FBXL17: variants seen among roughly 807,000 people sequenced by gnomAD.
The protein encoded by FBXL17 is F-box/LRR-repeat protein 17.
FBXL17 carries 22 observed loss-of-function variants against 66.2 expected under a neutral mutation model. The ratio of observed to expected loss-of-function variants is 0.33; its 90% CI spans 0.24 to 0.47. The LOEUF is 0.47. Among genes scored for constraint, FBXL17 ranks in the 20% least tolerant of loss-of-function variants. The pLI is 1.00. For synonymous variants in FBXL17, 474 were observed against 400.5 expected (o/e 1.18, Z -2.19); for missense variants, 878 against 948.2 (o/e 0.93, Z 0.97).
intron 6 of FBXL17, among the ~76,000 whole-genome samples, chr5:108,109,612 G>C (rs1307493004): frequency 6.6e-6 from 1 of 151,714 alleles, no homozygotes; most frequent in African/African-American, 2.4e-5. Context: ...TTTTTTTCTT[G>C]ATTATCTGTC....
intron 8 of FBXL17, among the ~76,000 whole-genome samples, chr5:107,875,292 T>C (rs1268290386): frequency 2.0e-5 from 3 of 152,170 alleles, no homozygotes; most frequent in Non-Finnish European, 4.4e-5. Context: ...CCTCAAATTA[T>C]TTTTCTCTGA....
chr5:107,976,165 T>G (rs1357128325), intron 7 of FBXL17, among the ~76,000 whole-genome samples: 2 of 152,184 alleles, frequency 1.3e-5, no homozygotes, highest in African/African-American at 4.8e-5. Flanking sequence ...CCTAAAAGTC[T>G]GTCTTATGTC....
chr5:108,092,495 T>C (rs1022683924), intron 6 of FBXL17, among the ~76,000 whole-genome samples: 5 of 152,086 alleles, frequency 3.3e-5, no homozygotes, highest in African/African-American at 1.2e-4. Flanking sequence ...TTTGTAGTTT[T>C]AGTAGATATG....
chr5:108,102,208 C>T (rs1275661830), intron 6 of FBXL17, among the ~76,000 whole-genome samples: 2 of 152,142 alleles, frequency 1.3e-5, no homozygotes, highest in Non-Finnish European at 2.9e-5. Context: ...ACAGGAGAGC[C>T]TGGTCCCAAA....
intron 7 of FBXL17, among the ~76,000 whole-genome samples, chr5:107,932,950 T>A (rs190854721): frequency 1.2e-3 from 182 of 152,110 alleles, no homozygotes; most frequent in Admixed American, 4.3e-3. Flanking sequence ...ATGGTTATTA[T>A]GAAAGAGGAA....
chr5:107,863,488 T>C (rs373354623), intron 8 of FBXL17, among the ~76,000 whole-genome samples: 1 of 151,268 alleles, frequency 6.6e-6, no homozygotes, highest in Non-Finnish European at 1.5e-5. Flanking sequence ...CCCAGCAAAT[T>C]TGGATCACTG....
chr5:108,279,821 A>G (rs890001549), intron 4 of FBXL17, among the ~76,000 whole-genome samples: 5 of 152,134 alleles, frequency 3.3e-5, no homozygotes, highest in Middle Eastern at 3.4e-3. Context: ...TGAAGGAAAT[A>G]CAAAATATAT....
chr5:107,861,582 A>G lies in FBXL17; in HGVS notation c.*138T>C. On this transcript the variant is annotated 3_prime_UTR_variant, in exon 9 of 9. Transcript: ENST00000542267. ...ACTGCACTTTTGGTATGCAGTATGC[A>G]AACAAGACACAAATACACATACTTG... is the stretch of plus-strand genomic sequence containing the variant. The G allele has an allele frequency of 1.3e-6, 1 of 773,586 alleles. No individual in the cohort carries two copies. Among genetic ancestry groups the G allele is most frequent in the Non-Finnish European group, 1.8e-6 (1 of 564,434 alleles). The allele number at this position is 773,586 out of a possible 1,614,324, so 47.9% of individuals were successfully genotyped here.
intron 4 of FBXL17, among the ~76,000 whole-genome samples, chr5:108,227,056 T>A (rs2150080127): frequency 6.6e-6 from 1 of 152,290 alleles, no homozygotes; most frequent in Middle Eastern, 3.4e-3. Flanking sequence ...TCTAGAAAGA[T>A]ATACAGACAG....
In FBXL17 at chr5:107,995,270, A is replaced by T. The variant is rs150003855; in HGVS notation, c.1822+25655T>A. On this transcript the variant is annotated intron_variant, in intron 7 of 8. Coordinates refer to ENST00000542267, the MANE Select transcript of FBXL17 (RefSeq NM_001163315.3). ...TCACATTTATAAATACATATAAAATACAGAAATGATTCAATGTTTTACAAG... is the reference window on the plus strand; with the variant it reads ...TCACATTTATAAATACATATAAAATTCAGAAATGATTCAATGTTTTACAAG... 4.5e-3 allele frequency among the ~76,000 whole-genome samples: 687 copies of T among 152,378 alleles called. 3 individuals are homozygous for T. The highest frequency in any genetic ancestry group is 0.016 in the African/African-American group (664 of 41,598).
At chr5:107,874,259 GA>G (rs1748545230) in intron 8 of FBXL17, among the ~76,000 whole-genome samples, 1 of 152,084 alleles carries the variant, frequency 6.6e-6, no homozygotes, top group Non-Finnish European at 1.5e-5. Context: ...CTGAGCTTGT[GA>G]ATTTATATTC....
chr5:107,917,360 C>T (rs1313707128), intron 7 of FBXL17, among the ~76,000 whole-genome samples: 1 of 152,022 alleles, frequency 6.6e-6, no homozygotes, highest in African/African-American at 2.4e-5. Flanking sequence ...AAAAGCTTTA[C>T]AAAGCTGTGG....
intron 7 of FBXL17, among the ~76,000 whole-genome samples, chr5:107,990,855 G>A (rs930698586): frequency 6.6e-6 from 1 of 152,048 alleles, no homozygotes; most frequent in Non-Finnish European, 1.5e-5. Flanking sequence ...CATCTTCTCC[G>A]AGACTGGTAG....
chr5:108,277,031 A>G (rs1303280853), intron 4 of FBXL17, among the ~76,000 whole-genome samples: 2 of 152,146 alleles, frequency 1.3e-5, no homozygotes, highest in Non-Finnish European at 2.9e-5. Flanking sequence ...ACTACAATTT[A>G]GATGTTTCCA....
At chr5:108,072,130 T>G (rs2112864670) in intron 6 of FBXL17, among the ~76,000 whole-genome samples, 1 of 152,324 alleles carries the variant, frequency 6.6e-6, no homozygotes, top group East Asian at 1.9e-4. Flanking sequence ...TTCTGAGCAC[T>G]GATCTTTGCT....
At chr5:108,154,665 A>ATG (rs1438023644) in intron 6 of FBXL17, among the ~76,000 whole-genome samples, 97 of 144,782 alleles carry the variant, frequency 6.7e-4, no homozygotes, top group Middle Eastern at 3.6e-3. Flanking sequence ...GTATATACAT[A>ATG]TATATGTGTA....
At chr5:108,045,878 G>T (rs1232296321) in intron 6 of FBXL17, among the ~76,000 whole-genome samples, 1 of 152,158 alleles carries the variant, frequency 6.6e-6, no homozygotes, top group Non-Finnish European at 1.5e-5. Flanking sequence ...TATGGCTCGG[G>T]ATATAGTGTG....
chr5:108,031,816 G>GTT (rs1746654575), intron 6 of FBXL17, among the ~76,000 whole-genome samples: 2 of 152,088 alleles, frequency 1.3e-5, no homozygotes, highest in Admixed American at 6.6e-5. Context: ...ATAGATAATG[G>GTT]AAATGCATCT....
chr5:108,337,662 A>G lies in FBXL17; in HGVS notation c.1506+10737T>C, dbSNP rs1760450485. Among the ~76,000 whole-genome samples the G allele has an allele frequency of 2.0e-5, 3 of 151,564 alleles. No homozygotes were observed. In the South Asian group the frequency reaches 6.2e-4, roughly 32 times the overall value. ...TGAGCTTGAAGGTAGTAATGAACAC[A>G]TTCTGGAAGAAAGAAGAAGAGTGAT... On this transcript the variant is annotated intron_variant, in intron 4 of 8. Transcript: ENST00000542267.
Sources: allele counts gnomAD v4.1 joint callset (sites outside exome capture counted in the v4.1 genomes callset), GRCh38; gene constraint gnomAD v4.1.1; transcripts MANE v1.5; gene names NCBI Gene and HGNC (gene_info 2026-07-23, HGNC 2026-07-21).